Variants in SGCD observed in about 807,000 individuals in gnomAD.
The protein encoded by SGCD is sarcoglycan delta.
In SGCD, 18 loss-of-function variants were observed where a neutral mutation model predicts 36.6. The ratio of observed to expected loss-of-function variants is 0.49; its 90% CI spans 0.34 to 0.73. The LOEUF (loss-of-function observed/expected upper bound fraction) is 0.73. Among genes scored for constraint, SGCD ranks in the 30% least tolerant of loss-of-function variants. The pLI, the probability that SGCD is intolerant of heterozygous loss-of-function variation, is 0.01. For synonymous variants in SGCD, 133 were observed against 130.6 expected (o/e 1.02, Z -0.12); for missense variants, 387 against 346.7 (o/e 1.12, Z -0.92).
chr5:156,309,922 C>G (rs1767346287), intron 3 of SGCD, among the ~76,000 whole-genome samples: 1 of 152,034 alleles, frequency 6.6e-6, no homozygotes, highest in South Asian at 2.1e-4. Context: ...TTCCCTGTTT[C>G]ATTGTATGTC....
chr5:155,827,491 A>G, the SGCD span, among the ~76,000 whole-genome samples: 1 of 152,046 alleles, frequency 6.6e-6, no homozygotes, highest in Non-Finnish European at 1.5e-5. Context: ...CCAGTCACCC[A>G]AGGAGTAAAG....
intron 3 of SGCD, among the ~76,000 whole-genome samples, chr5:156,487,524 T>G (rs1178825634): frequency 6.6e-6 from 1 of 151,890 alleles, no homozygotes; most frequent in Non-Finnish European, 1.5e-5. Context: ...GCGTGGTGGC[T>G]CACGCCTGTA....
chr5:156,158,001 T>C (rs972786937), intron 3 of SGCD, among the ~76,000 whole-genome samples: 4 of 151,564 alleles, frequency 2.6e-5, no homozygotes, highest in African/African-American at 9.8e-5. Flanking sequence ...CTTCAAGAAG[T>C]ATGTAATATC....
At chr5:155,775,793 A>T in the SGCD span, among the ~76,000 whole-genome samples, 1 of 152,134 alleles carries the variant, frequency 6.6e-6, no homozygotes, top group Non-Finnish European at 1.5e-5. Context: ...GTAGACAGGG[A>T]GAGAAGTCTG....
chr5:156,305,019 T>C (rs1430076406), intron 3 of SGCD, among the ~76,000 whole-genome samples: 1 of 152,116 alleles, frequency 6.6e-6, no homozygotes, highest in Non-Finnish European at 1.5e-5. Context: ...ATGCATTCAG[T>C]TTTATAAAAG....
Position 156,116,424 on chromosome 5 carries a change from T to C in SGCD, c.-281-1454T>C, listed in dbSNP as rs541004244. Among the ~76,000 whole-genome samples, 407 of 152,276 alleles carry C rather than the reference T, an allele frequency of 2.7e-3. 2 individuals are homozygous for C. The highest frequency in any genetic ancestry group is 4.6e-3 in the Non-Finnish European group (311 of 68,012). On this transcript the variant is annotated intron_variant, in intron 1 of 9. Transcript: ENST00000517913. ...CCTATTGACATCCCCATGCCTATTT[T>C]TCTAGACACTTACTAGAGTTTTTCT...
At chr5:155,939,549 A>T (rs537225187) in intron 1 of SGCD, among the ~76,000 whole-genome samples, 1 of 151,478 alleles carries the variant, frequency 6.6e-6, no homozygotes, top group African/African-American at 2.4e-5. Flanking sequence ...GAAGGCTGAG[A>T]CAGGAGAATT....
chr5:156,475,924 A>T (rs904519799), intron 3 of SGCD, among the ~76,000 whole-genome samples: 1 of 152,216 alleles, frequency 6.6e-6, no homozygotes. Context: ...CATTCCTTGC[A>T]GCAGGGTGCA....
intron 1 of SGCD, among the ~76,000 whole-genome samples, chr5:155,878,569 T>C (rs1238339100): frequency 6.6e-6 from 1 of 152,056 alleles, no homozygotes; most frequent in African/African-American, 2.4e-5. Flanking sequence ...ATAATAAAAC[T>C]ACCTTGATAA....
At chr5:156,532,956 C>T (rs1420446563) in intron 4 of SGCD, among the ~76,000 whole-genome samples, 1 of 152,198 alleles carries the variant, frequency 6.6e-6, no homozygotes, top group Non-Finnish European at 1.5e-5. Context: ...TAGAAAGGCA[C>T]AGAAAGAACA....
intron 1 of SGCD, among the ~76,000 whole-genome samples, chr5:156,007,999 A>G (rs2127569830): frequency 6.6e-6 from 1 of 152,302 alleles, no homozygotes; most frequent in Middle Eastern, 3.4e-3. Context: ...TTTATCTCCA[A>G]CGATGTTATT....
intron 3 of SGCD, among the ~76,000 whole-genome samples, chr5:156,173,783 C>T (rs1436147254): frequency 6.6e-6 from 1 of 151,462 alleles, no homozygotes; most frequent in African/African-American, 2.4e-5. Flanking sequence ...TCTTGTTATA[C>T]TTACCTTGAC....
chr5:156,542,266 A>C (rs1758377492), intron 4 of SGCD, among the ~76,000 whole-genome samples: 1 of 152,124 alleles, frequency 6.6e-6, no homozygotes, highest in Admixed American at 6.6e-5. Flanking sequence ...CTTTAAAAAA[A>C]ATTATTTGGA....
At chr5:156,558,688 T>C (rs1759146146) in intron 4 of SGCD, among the ~76,000 whole-genome samples, 3 of 152,124 alleles carry the variant, frequency 2.0e-5, no homozygotes, top group South Asian at 4.1e-4. Flanking sequence ...AGATTGATCA[T>C]AACTGAGAAT....
chr5:156,163,711 A>G (rs552700373), intron 3 of SGCD, among the ~76,000 whole-genome samples: 1 of 151,484 alleles, frequency 6.6e-6, no homozygotes, highest in South Asian at 2.1e-4. Context: ...GGAATCTACC[A>G]ATATTATTAT....
chr5:156,067,698 T>A lies in SGCD; in HGVS notation c.-281-50180T>A, dbSNP rs57885497. Among the ~76,000 whole-genome samples, 3 of 110,384 alleles carry A rather than the reference T, an allele frequency of 2.7e-5. 1 individual carries two copies. Among genetic ancestry groups the A allele is most frequent in the African/African-American group, 1.0e-4 (2 of 19,518 alleles). The allele number at this position is 110,384 out of a possible 152,430, so 72.4% of individuals were successfully genotyped here. A position where few individuals can be genotyped will look rare whatever the true frequency, so the allele number is the denominator to read the frequency against. ...CGCAATATTCGGGTGGGAGTGACCC[T>A]ATTTTCCAGGTGCGACCATCACCCC... On this transcript the variant is annotated intron_variant, in intron 1 of 9. Transcript: ENST00000517913.
intron 1 of SGCD, among the ~76,000 whole-genome samples, chr5:156,076,875 A>G (rs910188806): frequency 1.3e-5 from 2 of 152,198 alleles, no homozygotes; most frequent in Non-Finnish European, 2.9e-5. Flanking sequence ...TAAGGCGTCA[A>G]TGACTTCACA....
At chr5:155,737,807 T>C in the SGCD span, among the ~76,000 whole-genome samples, 27 of 152,134 alleles carry the variant, frequency 1.8e-4, no homozygotes, top group African/African-American at 6.5e-4. Context: ...ATATTCCCTT[T>C]GACTTTGACC....
chr5:155,922,123 G>A (rs1756891033), intron 1 of SGCD, among the ~76,000 whole-genome samples: 1 of 152,148 alleles, frequency 6.6e-6, no homozygotes. Context: ...TAGCTCTATG[G>A]CAAGTGGTCA....
Sources: gnomAD v4.1 joint callset for allele counts (sites outside exome capture counted in the v4.1 genomes callset) on GRCh38, gnomAD v4.1.1 for gene constraint, MANE v1.5 for transcripts, NCBI Gene and HGNC (gene_info 2026-07-23, HGNC 2026-07-21) for gene names.